Variants in FGGY observed in about 807,000 individuals in gnomAD.
The protein encoded by FGGY is FGGY carbohydrate kinase domain-containing protein.
Under a neutral mutation model 71.3 loss-of-function variants are expected in FGGY, and 72 were observed. The ratio of observed to expected loss-of-function variants is 1.01; its 90% CI spans 0.84 to 1.23. The LOEUF (loss-of-function observed/expected upper bound fraction) is 1.23. Ranked by LOEUF, FGGY falls within the 50% of genes most tolerant of loss-of-function variation. FGGY has a pLI of 0.00. For missense variants in FGGY, 668 were observed against 682.3 expected, an observed-to-expected ratio of 0.98 and a Z score of 0.23; for synonymous variants, 251 against 250.3, an observed-to-expected ratio of 1.00 and a Z score of -0.02.
chr1:59,531,647 G>A (rs1273358564), intron 7 of FGGY, among the ~76,000 whole-genome samples: 3 of 152,192 alleles, frequency 2.0e-5, no homozygotes, highest in Non-Finnish European at 4.4e-5. Flanking sequence ...CATTTGCTGA[G>A]TTGAAACCTG....
chr1:59,667,685 A>G (rs2097337930), intron 13 of FGGY, among the ~76,000 whole-genome samples: 2 of 152,090 alleles, frequency 1.3e-5, no homozygotes, highest in Admixed American at 6.6e-5. Context: ...CATTTACACA[A>G]CAGTTTTGAA....
At chr1:59,525,350 C>A (rs1394941194) in intron 7 of FGGY, among the ~76,000 whole-genome samples, 1 of 152,198 alleles carries the variant, frequency 6.6e-6, no homozygotes, top group East Asian at 1.9e-4. Context: ...ATGAGCCCAG[C>A]AGGCACGAGC....
At chr1:59,589,734 A>C (rs1186535960) in intron 8 of FGGY, among the ~76,000 whole-genome samples, 8 of 152,196 alleles carry the variant, frequency 5.3e-5, no homozygotes, top group Non-Finnish European at 1.2e-4. Flanking sequence ...GTTCATTGAA[A>C]CCAACGAGAA....
At chr1:59,578,981 C>T (rs1376560723) in intron 8 of FGGY, among the ~76,000 whole-genome samples, 3 of 152,144 alleles carry the variant, frequency 2.0e-5, no homozygotes, top group Admixed American at 1.3e-4. Flanking sequence ...CACACAGCTT[C>T]TCAAGTGCTG....
At chr1:59,372,737 A>C (rs534980345) in intron 4 of FGGY, among the ~76,000 whole-genome samples, 1 of 152,322 alleles carries the variant, frequency 6.6e-6, no homozygotes, top group East Asian at 1.9e-4. Flanking sequence ...CATCCCTGGG[A>C]TGTAAGGCTG....
At chr1:59,660,415 C>CA (rs2097263763) in intron 12 of FGGY, 122 bp downstream of exon 12, 1 of 680,652 alleles carries the variant, frequency 1.5e-6, no homozygotes, top group Non-Finnish European at 2.3e-6. Flanking sequence ...AGATTGTTTG[C>CA]AAAAAAGAGA....
chr1:59,297,439 TAGATG>T (rs1208416561), intron 1 of FGGY, among the ~76,000 whole-genome samples: 4 of 152,226 alleles, frequency 2.6e-5, no homozygotes, highest in African/African-American at 7.2e-5. Context: ...CAGCTGAGTT[TAGATG>T]AGATAATGCT....
At chr1:59,613,514 T>G (rs1204294105) in intron 9 of FGGY, among the ~76,000 whole-genome samples, 1 of 152,098 alleles carries the variant, frequency 6.6e-6, no homozygotes, top group African/African-American at 2.4e-5. Flanking sequence ...AGAGGGAAAT[T>G]TATAGCACTA....
intron 5 of FGGY, among the ~76,000 whole-genome samples, chr1:59,428,958 A>C (rs1004877900): frequency 1.7e-4 from 26 of 152,326 alleles, no homozygotes; most frequent in Middle Eastern, 3.4e-3. Flanking sequence ...AGAGTGAAAA[A>C]GGAAGGAAAC....
chr1:59,715,663 G>A (rs12128672), intron 14 of FGGY, among the ~76,000 whole-genome samples: 74,200 of 151,970 alleles, frequency 0.49, 19,451 homozygotes, highest in Middle Eastern at 0.63. Context: ...TTTGCTTCCC[G>A]GTAAAGGGAC....
intron 8 of FGGY, among the ~76,000 whole-genome samples, chr1:59,597,367 C>T (rs1220765784): frequency 6.6e-6 from 1 of 152,214 alleles, no homozygotes; most frequent in Non-Finnish European, 1.5e-5. Flanking sequence ...CTCAATTTTA[C>T]TTATGCCCAC....
chr1:59,455,374 A>G (rs1179588984), intron 5 of FGGY, among the ~76,000 whole-genome samples: 3 of 152,190 alleles, frequency 2.0e-5, no homozygotes, highest in Admixed American at 6.5e-5. Flanking sequence ...AATGAAGCAA[A>G]AGGGTTCAGT....
intron 6 of FGGY, among the ~76,000 whole-genome samples, chr1:59,494,196 G>C (rs2093965121): frequency 2.0e-5 from 3 of 152,212 alleles, no homozygotes; most frequent in Non-Finnish European, 4.4e-5. Flanking sequence ...GGAGAAACCA[G>C]ACAGTAAGCA....
At chr1:59,337,521 A>G (rs1394703019) in intron 2 of FGGY, among the ~76,000 whole-genome samples, 1 of 152,170 alleles carries the variant, frequency 6.6e-6, no homozygotes, top group East Asian at 1.9e-4. Context: ...AGACACACCC[A>G]GAAACAGTGC....
intron 7 of FGGY, among the ~76,000 whole-genome samples, chr1:59,522,790 A>G (rs956056060): frequency 6.6e-6 from 1 of 152,210 alleles, no homozygotes; most frequent in Non-Finnish European, 1.5e-5. Flanking sequence ...GGAAGACTGG[A>G]TCCAAGACTC....
intron 6 of FGGY, among the ~76,000 whole-genome samples, chr1:59,466,197 A>G (rs1216069600): frequency 6.6e-6 from 1 of 152,156 alleles, no homozygotes; most frequent in Non-Finnish European, 1.5e-5. Context: ...CAGAAATAAC[A>G]CCACACATCT....
At position 59,472,564 on chromosome 1, in the gene FGGY, A is replaced by G. The variant is rs577891729; in HGVS notation, c.670+15488A>G. Among the ~76,000 whole-genome samples the G allele has an allele frequency of 4.8e-3, 726 of 152,362 alleles. 4 individuals carry two copies. The highest frequency in any genetic ancestry group is 0.016 in the African/African-American group (679 of 41,592). ...CTGGGCTCCTGAGTCTGGTGGGGAC[A>G]TGGAGAACCTTTATGTCTAGATCAG... On this transcript the variant is annotated intron_variant, in intron 6 of 15. Transcript: ENST00000303721.
intron 4 of FGGY, among the ~76,000 whole-genome samples, chr1:59,356,253 T>G (rs1010498607): frequency 2.0e-5 from 3 of 152,166 alleles, no homozygotes; most frequent in African/African-American, 7.2e-5. Context: ...AGCAAGCGCT[T>G]AGAGAAATGG....
At chr1:59,366,457 A>G (rs182288942) in intron 4 of FGGY, among the ~76,000 whole-genome samples, 152 of 152,204 alleles carry the variant, frequency 1.0e-3, no homozygotes, top group African/African-American at 3.6e-3. Flanking sequence ...AAGCCTCCCC[A>G]GGTCCCAAAC....
Sources: gnomAD v4.1 joint callset for allele counts (sites outside exome capture counted in the v4.1 genomes callset) on GRCh38, gnomAD v4.1.1 for gene constraint, MANE v1.5 for transcripts, NCBI Gene and HGNC (gene_info 2026-07-23, HGNC 2026-07-21) for gene names.